The following DCLK1 variants were observed in gnomAD, a reference collection of about 807,000 sequenced individuals.
The protein encoded by DCLK1 is doublecortin like kinase 1, also known as serine/threonine-protein kinase DCLK1.
A neutral mutation model predicts 86.2 loss-of-function variants in DCLK1; 16 were observed. That is an observed-to-expected ratio of 0.19 (90% CI 0.13 to 0.28). The LOEUF is 0.28. Among genes scored for constraint, DCLK1 ranks in the 10% least tolerant of loss-of-function variants. The pLI, the probability that DCLK1 is intolerant of heterozygous loss-of-function variation, is 1.00. For synonymous variants in DCLK1, 369 were observed against 370.5 expected (o/e 1.00, Z 0.05); for missense variants, 590 against 940.2 (o/e 0.63, Z 4.87).
At chr13:35,979,498 C>T (rs1057326403) in intron 3 of DCLK1, among the ~76,000 whole-genome samples, 3 of 152,174 alleles carry the variant, frequency 2.0e-5, no homozygotes, top group South Asian at 4.1e-4. Context: ...TATCCTTTCC[C>T]GTCAGATCCC....
intron 4 of DCLK1, among the ~76,000 whole-genome samples, chr13:35,895,248 C>T (rs142088355): frequency 2.1e-3 from 313 of 150,892 alleles, no homozygotes; most frequent in African/African-American, 7.4e-3. Flanking sequence ...TGAGCCGCCA[C>T]ACCTGGTCAC....
intron 4 of DCLK1, among the ~76,000 whole-genome samples, chr13:35,926,904 G>T (rs1050104913): frequency 1.3e-5 from 2 of 152,148 alleles, no homozygotes; most frequent in African/African-American, 4.8e-5. Context: ...CTCTTCCAAG[G>T]GCACATTTTA....
chr13:35,994,270 T>G (rs946131268), intron 3 of DCLK1, among the ~76,000 whole-genome samples: 2 of 152,286 alleles, frequency 1.3e-5, no homozygotes, highest in Non-Finnish European at 2.9e-5. Flanking sequence ...CACTGATGGA[T>G]GTTTGTGGCA....
intron 4 of DCLK1, among the ~76,000 whole-genome samples, chr13:35,915,088 A>G (rs1375626605): frequency 1.3e-5 from 2 of 152,278 alleles, no homozygotes; most frequent in Admixed American, 6.5e-5. Flanking sequence ...TGCTATTCAG[A>G]GAATTCTGAA....
intron 3 of DCLK1, among the ~76,000 whole-genome samples, chr13:36,047,521 A>T (rs1225487431): frequency 6.6e-6 from 1 of 152,176 alleles, no homozygotes; most frequent in Non-Finnish European, 1.5e-5. Context: ...AAAAGAAGGA[A>T]ATCCTGTCAT....
chr13:36,104,031 C>T (rs184051296), intron 3 of DCLK1, among the ~76,000 whole-genome samples: 6 of 152,312 alleles, frequency 3.9e-5, no homozygotes, highest in East Asian at 1.9e-4. Flanking sequence ...TTGGCAGATG[C>T]GTTCTTTTTA....
chr13:35,800,409 T>G (rs915151961), intron 15 of DCLK1, among the ~76,000 whole-genome samples: 9 of 152,198 alleles, frequency 5.9e-5, no homozygotes, highest in African/African-American at 2.2e-4. Flanking sequence ...CTGATGCTCC[T>G]CCCATGGGTC....
chr13:35,957,741 T>C (rs1259188595), intron 3 of DCLK1, among the ~76,000 whole-genome samples: 1 of 152,184 alleles, frequency 6.6e-6, no homozygotes, highest in Admixed American at 6.5e-5. Context: ...ATTGAGTCTG[T>C]TGCTTTAAAT....
At chr13:35,983,419 C>T (rs541343075) in intron 3 of DCLK1, among the ~76,000 whole-genome samples, 1 of 152,300 alleles carries the variant, frequency 6.6e-6, no homozygotes, top group South Asian at 2.1e-4. Context: ...CCTGCTGGGC[C>T]TGCTCACCAT....
chr13:36,105,036 C>T (rs1367642889), intron 3 of DCLK1, among the ~76,000 whole-genome samples: 3 of 151,982 alleles, frequency 2.0e-5, no homozygotes, highest in African/African-American at 7.3e-5. Context: ...AATTATCACC[C>T]CAATATTATG....
chr13:36,031,888 C>T (rs74044330), intron 3 of DCLK1, among the ~76,000 whole-genome samples: 5,765 of 152,278 alleles, frequency 0.038, 132 homozygotes, highest in South Asian at 0.059. Flanking sequence ...TGCTAGGCCC[C>T]ACCTGATAGA....
intron 4 of DCLK1, among the ~76,000 whole-genome samples, chr13:35,916,065 T>C (rs754748903): frequency 6.6e-6 from 1 of 152,244 alleles, no homozygotes; most frequent in Admixed American, 6.5e-5. Flanking sequence ...CTTCAGGCTC[T>C]GCGTGATGAG....
chr13:35,975,189 G>A (rs953590727), intron 3 of DCLK1, among the ~76,000 whole-genome samples: 4 of 152,226 alleles, frequency 2.6e-5, no homozygotes, highest in African/African-American at 7.2e-5. Context: ...GAGCAGGAGG[G>A]CAGGTGCAGC....
At chr13:36,096,067 G>T (rs1312927460) in intron 3 of DCLK1, among the ~76,000 whole-genome samples, 1 of 152,108 alleles carries the variant, frequency 6.6e-6, no homozygotes, top group Admixed American at 6.6e-5. Flanking sequence ...TTTTGAAAGG[G>T]TTTTTTGTAT....
chr13:35,895,235 T>G (rs1750909), intron 4 of DCLK1, among the ~76,000 whole-genome samples: 151,268 of 151,970 alleles, frequency 1, 75,289 homozygotes, highest in Middle Eastern at 1. Flanking sequence ...GGGATTATAG[T>G]CATGAGCCGC....
chr13:35,830,677 T>C (rs1593637996), intron 8 of DCLK1, among the ~76,000 whole-genome samples: 1 of 152,178 alleles, frequency 6.6e-6, no homozygotes, highest in African/African-American at 2.4e-5. Flanking sequence ...ACATGTCCCA[T>C]TGGATGGCAG....
At chr13:35,977,919 C>T (rs1379259396) in intron 3 of DCLK1, among the ~76,000 whole-genome samples, 2 of 152,098 alleles carry the variant, frequency 1.3e-5, no homozygotes, top group Admixed American at 6.5e-5. Flanking sequence ...ATAGGACTAA[C>T]GTTCTCTACA....
At chr13:36,092,390 G>A (rs1436755873) in intron 3 of DCLK1, among the ~76,000 whole-genome samples, 2 of 151,578 alleles carry the variant, frequency 1.3e-5, no homozygotes, top group East Asian at 3.9e-4. Flanking sequence ...CTGAATAGCT[G>A]TTAGTTGTTA....
chr13:35,798,714 C>T (rs2086860311), intron 15 of DCLK1, among the ~76,000 whole-genome samples: 1 of 152,150 alleles, frequency 6.6e-6, no homozygotes, highest in Non-Finnish European at 1.5e-5. Flanking sequence ...TCCATGTCAT[C>T]GTTTAAAATT....
Sources: allele counts gnomAD v4.1 joint callset (sites outside exome capture counted in the v4.1 genomes callset), GRCh38; gene constraint gnomAD v4.1.1; transcripts MANE v1.5; gene names NCBI Gene and HGNC (gene_info 2026-07-23, HGNC 2026-07-21).